MMS22L: variants seen among roughly 807,000 people sequenced by gnomAD.
The protein encoded by MMS22L is protein MMS22-like.
Under a neutral mutation model 159.1 loss-of-function variants are expected in MMS22L, and 74 were observed. That is an observed-to-expected ratio of 0.47 (90% confidence interval 0.39 to 0.56). MMS22L has a LOEUF of 0.56. Ranked by LOEUF, MMS22L falls within the 20% of genes least tolerant of loss-of-function variation. The pLI is 0.00. For missense variants in MMS22L, 1,351 were observed against 1,422.1 expected, an observed-to-expected ratio of 0.95 and a Z score of 0.80; for synonymous variants, 517 against 506.9, an observed-to-expected ratio of 1.02 and a Z score of -0.27.
rs1804404474 is a variant in MMS22L at position 97,178,968 on chromosome 6, C to T, written c.2537-383G>A. On this transcript the variant is annotated intron_variant, in intron 17 of 24. Transcript: ENST00000683635. ...AAAAAGTACAGATATCACTCAATGA[C>T]TACTTGTAAAGCAGAAGAAAGGCAA... is the stretch of plus-strand genomic sequence containing the variant. 2.0e-5 allele frequency among the ~76,000 whole-genome samples: 3 copies of T among 152,010 alleles called. No homozygotes were observed. In the South Asian group the frequency reaches 6.2e-4, roughly 32 times the overall value.
intron 22 of MMS22L, 116 bp from the exon 23 acceptor site, chr6:97,151,983 C>T: frequency 5.9e-6 from 4 of 680,434 alleles, no homozygotes; most frequent in Non-Finnish European, 9.7e-6. Flanking sequence ...TATGTACATC[C>T]TTTTTCTATT....
At chr6:97,279,670 C>A (rs1057501117) in intron 3 of MMS22L, among the ~76,000 whole-genome samples, 2 of 151,282 alleles carry the variant, frequency 1.3e-5, no homozygotes, top group African/African-American at 2.4e-5. Context: ...CCCTGTAATC[C>A]GAGCTACTCG....
At chr6:97,159,949 T>G (rs1013840218) in intron 22 of MMS22L, among the ~76,000 whole-genome samples, 2 of 14,110 alleles carry the variant, frequency 1.4e-4, no homozygotes, top group East Asian at 0.021. Context: ...ATCATTTCTG[T>G]TTTTTTTTTT....
At chr6:97,161,173 T>C (rs1259274212) in intron 22 of MMS22L, among the ~76,000 whole-genome samples, 2 of 151,958 alleles carry the variant, frequency 1.3e-5, no homozygotes, top group Non-Finnish European at 2.9e-5. Flanking sequence ...AATAATGAAG[T>C]CCACTCCTCC....
chr6:97,173,243 T>A (rs1222905027), intron 18 of MMS22L, 21 bp from the exon 19 acceptor site: 4 of 1,598,272 alleles, frequency 2.5e-6, no homozygotes, highest in Non-Finnish European at 3.4e-6. Flanking sequence ...AGAAAAACAT[T>A]ATTTAACTTC....
intron 13 of MMS22L, chr6:97,230,542 A>C (rs1810749024): frequency 6.6e-6 from 1 of 152,144 alleles, no homozygotes; most frequent in Admixed American, 6.5e-5. Flanking sequence ...TGTATTGTCT[A>C]CTACTATCCC....
chr6:97,162,351 A>G (rs1324581141), intron 21 of MMS22L, among the ~76,000 whole-genome samples, 186 bp from the exon 22 acceptor site: 3 of 152,052 alleles, frequency 2.0e-5, no homozygotes, highest in Admixed American at 1.3e-4. Flanking sequence ...GACTGACTGT[A>G]TATCTTTCTG....
chr6:97,223,336 G>GAA, intron 14 of MMS22L, among the ~76,000 whole-genome samples: 1 of 80,922 alleles, frequency 1.2e-5, no homozygotes, highest in East Asian at 2.1e-4. Flanking sequence ...AGATGGCTAA[G>GAA]GTTTAAGTAT....
chr6:97,257,958 T>C (rs1002138780), intron 9 of MMS22L, among the ~76,000 whole-genome samples: 76 of 152,360 alleles, frequency 5.0e-4, no homozygotes, highest in Non-Finnish European at 1.5e-4. Flanking sequence ...TTGAGGATTC[T>C]TGCCTGAAAC....
rs1319296928 is a variant in MMS22L, at chr6:97,186,686, T to C, written c.2044A>G (p.Met682Val). Residue 682 changes from methionine to valine, a missense_variant, in exon 15 of 25, where the codon ATG becomes GTG. Transcript: ENST00000683635. ...AGTTCCTGACACAATTGTTGATGCATACTCCTAAAAAGAAATAAAAATACA... is the reference window on the plus strand; with the variant it reads ...AGTTCCTGACACAATTGTTGATGCACACTCCTAAAAAGAAATAAAAATACA... ...LQAVLARIRS[M>V]HQQLCQELQR... The C allele has an allele frequency of 5.8e-6, 9 of 1,539,346 alleles. No homozygotes were observed. The highest frequency in any genetic ancestry group is 2.4e-5 in the East Asian group (1 of 41,510).
At chr6:97,188,972 AAATAAT>A (rs888709616) in intron 14 of MMS22L, among the ~76,000 whole-genome samples, 1 of 151,484 alleles carries the variant, frequency 6.6e-6, no homozygotes, top group Non-Finnish European at 1.5e-5. Flanking sequence ...AATAATTTAA[AAATAAT>A]AATAATAATA....
Position 97,278,851 on chromosome 6 carries a change from A to C in MMS22L, c.338T>G (p.Phe113Cys), listed in dbSNP as rs1167117754. 1 of 1,612,990 alleles carries C rather than the reference A, an allele frequency of 6.2e-7. No individual in the cohort carries two copies. The highest frequency in any genetic ancestry group is 1.1e-5 in the South Asian group (1 of 90,682). The change falls in exon 4 of 25, where the codon TTT (phenylalanine) becomes TGT (cysteine). Residue 113 changes from phenylalanine to cysteine, a missense_variant and splice_region_variant. By Grantham distance (205) the Phe-to-Cys change is radical. Coordinates refer to ENST00000683635, the MANE Select transcript of MMS22L (RefSeq NM_001350599.2). ...CATTAAACACACCTTAAACTTACCAAAATCACAACTGGACTGTAACAAGGT... is the reference window on the plus strand; with the variant it reads ...CATTAAACACACCTTAAACTTACCACAATCACAACTGGACTGTAACAAGGT... ...LETLLQSSCDFGKVSTLHCKA... is the reference protein window; with the variant it reads ...LETLLQSSCDCGKVSTLHCKA...
intron 14 of MMS22L, among the ~76,000 whole-genome samples, chr6:97,221,129 G>A (rs1372738243): frequency 7.2e-5 from 11 of 152,112 alleles, no homozygotes; most frequent in Admixed American, 2.0e-4. Context: ...CAGGCAATTT[G>A]CTAACTGCCT....
chr6:97,172,913 T>A (rs1383583186), intron 19 of MMS22L, 150 bp downstream of exon 19: 1 of 652,002 alleles, frequency 1.5e-6, no homozygotes, highest in South Asian at 3.0e-5. Flanking sequence ...AAGGCCAACA[T>A]GAATTATTTT....
chr6:97,195,256 C>A (rs1051232125), intron 14 of MMS22L, among the ~76,000 whole-genome samples: 1 of 152,112 alleles, frequency 6.6e-6, no homozygotes, highest in African/African-American at 2.4e-5. Context: ...GGAACAACAA[C>A]CAGGAGTCCA....
chr6:97,212,822 C>T (rs560300098), intron 14 of MMS22L, among the ~76,000 whole-genome samples: 1 of 152,220 alleles, frequency 6.6e-6, no homozygotes, highest in South Asian at 2.1e-4. Context: ...ATGGTTTTGA[C>T]AATGGATATA....
chr6:97,159,946 CTG>C (rs1292671819), intron 22 of MMS22L, among the ~76,000 whole-genome samples: 8 of 58,516 alleles, frequency 1.4e-4, no homozygotes, highest in African/African-American at 6.0e-4. Context: ...TTTATCATTT[CTG>C]TTTTTTTTTT....
intron 11 of MMS22L, among the ~76,000 whole-genome samples, chr6:97,236,907 C>A (rs1056229000): frequency 6.6e-6 from 1 of 150,612 alleles, no homozygotes; most frequent in African/African-American, 2.4e-5. Flanking sequence ...GCCGAAATAG[C>A]GCTACTGCAC....
At position 97,282,442 on chromosome 6, in the gene MMS22L, A is replaced by T. The variant is rs774212932; in HGVS notation, c.36T>A (p.Thr12=). The T allele has an allele frequency of 6.2e-7, 1 of 1,613,870 alleles. No homozygotes were observed. The highest frequency in any genetic ancestry group is 8.5e-7 in the Non-Finnish European group (1 of 1,179,986). ...TCCCCAGCTCCAGCTCTAAGCTGTC[A>T]GTCAGGAACGTCGATGCAGCAGAAC... ...ENCSAASTFL[T]DSLELELGTE... is the part of the protein sequence containing the mutation. Residue 12 remains threonine, a synonymous_variant, in exon 2 of 25, where the codon ACT becomes ACA. Transcript: ENST00000683635.
Sources: gnomAD v4.1 joint callset for allele counts (sites outside exome capture counted in the v4.1 genomes callset) on GRCh38, gnomAD v4.1.1 for gene constraint, MANE v1.5 for transcripts, NCBI Gene and HGNC (gene_info 2026-07-23, HGNC 2026-07-21) for gene names.